DGKG: variants seen among roughly 807,000 people sequenced by gnomAD.
DGKG encodes the protein diacylglycerol kinase gamma, also known as DAG kinase gamma.
DGKG carries 78 observed loss-of-function variants against 105.3 expected under a neutral mutation model. The ratio of observed to expected loss-of-function variants is 0.74; its 90% CI spans 0.62 to 0.89. The LOEUF is 0.89. Ranked by LOEUF, DGKG falls within the 40% of genes least tolerant of loss-of-function variation. The pLI is 0.00. For synonymous variants in DGKG, 346 were observed against 367.1 expected (o/e 0.94, Z 0.66); for missense variants, 958 against 1,020.1 (o/e 0.94, Z 0.83).
At chr3:186,253,035 C>T (rs747469867) in intron 18 of DGKG, 58 bp downstream of exon 18, 29 of 1,456,354 alleles carry the variant, frequency 2.0e-5, no homozygotes, top group Admixed American at 1.0e-4. Flanking sequence ...CTCTGTAGAG[C>T]ATCTCTGTAA....
At chr3:186,304,270 A>T (rs2108622496) in intron 3 of DGKG, among the ~76,000 whole-genome samples, 1 of 152,298 alleles carries the variant, frequency 6.6e-6, no homozygotes, top group Middle Eastern at 3.4e-3. Context: ...TGGGGCAGTG[A>T]GTTCTTTGCT....
chr3:186,338,169 CAA>C (rs34436386), intron 1 of DGKG, among the ~76,000 whole-genome samples: 17 of 75,790 alleles, frequency 2.2e-4, no homozygotes, highest in Admixed American at 4.1e-4. Flanking sequence ...GACCCTATCT[CAA>C]AAAAAAAAAA....
At chr3:186,185,991 G>A (rs1419419701) in intron 22 of DGKG, among the ~76,000 whole-genome samples, 3 of 151,544 alleles carry the variant, frequency 2.0e-5, no homozygotes, top group Non-Finnish European at 1.5e-5. Flanking sequence ...CCAGCTACTC[G>A]GGAGGCTGAG....
chr3:186,237,146 T>C (rs1185136858), intron 20 of DGKG, among the ~76,000 whole-genome samples: 1 of 152,202 alleles, frequency 6.6e-6, no homozygotes, highest in African/African-American at 2.4e-5. Flanking sequence ...TCCTTCTCCC[T>C]AAGTTGAAAC....
chr3:186,201,894 C>T (rs1426081889), intron 21 of DGKG, among the ~76,000 whole-genome samples: 1 of 152,198 alleles, frequency 6.6e-6, no homozygotes, highest in Admixed American at 6.5e-5. Flanking sequence ...GATAGATATG[C>T]CAAGTCCTGA....
chr3:186,210,482 A>C lies in DGKG; in HGVS notation c.1917+1313T>G, dbSNP rs1354769619. Among the ~76,000 whole-genome samples the C allele has an allele frequency of 2.0e-5, 3 of 152,166 alleles. No individual in the cohort carries two copies. Among genetic ancestry groups the C allele is most frequent in the Non-Finnish European group, 4.4e-5 (3 of 68,020 alleles). On this transcript the variant is annotated intron_variant, in intron 21 of 24. Transcript: ENST00000265022. This position sits in a 1 kb window ranked among gnomAD's most constrained non-coding sequence, Gnocchi z 5.2. ...TCTGCCCTCTTACCAAGCTGGCCAA[A>C]AGTTCAGGGGATTAGCCAGATCGGC...
At chr3:186,261,472 T>C (rs1217517091) in intron 15 of DGKG, among the ~76,000 whole-genome samples, 2 of 152,182 alleles carry the variant, frequency 1.3e-5, no homozygotes, top group African/African-American at 4.8e-5. Flanking sequence ...AAGCACCGTG[T>C]CTGTTCTCAC....
chr3:186,165,577 C>G (rs1353111585), intron 22 of DGKG, among the ~76,000 whole-genome samples: 2 of 152,180 alleles, frequency 1.3e-5, no homozygotes, highest in African/African-American at 2.4e-5. Flanking sequence ...ACACCAGGTG[C>G]CTAATCCAAG....
intron 1 of DGKG, among the ~76,000 whole-genome samples, chr3:186,330,834 C>T (rs1329251404): frequency 2.0e-5 from 3 of 152,214 alleles, no homozygotes; most frequent in Non-Finnish European, 4.4e-5. Flanking sequence ...CCCCGCTCAG[C>T]CTGGTCTGGA....
At chr3:186,296,112 C>CAAAAAAAAAAAAAAAA (rs36070727) in intron 5 of DGKG, among the ~76,000 whole-genome samples, 3 of 143,390 alleles carry the variant, frequency 2.1e-5, no homozygotes, top group African/African-American at 7.9e-5. Flanking sequence ...TTATCTCAGA[C>CAAAAAAAAAAAAAAAA]AAAAAAAAAA....
chr3:186,352,262 A>G (rs1469584500), intron 1 of DGKG, among the ~76,000 whole-genome samples: 1 of 152,118 alleles, frequency 6.6e-6, no homozygotes, highest in Non-Finnish European at 1.5e-5. Flanking sequence ...GAGTCAATAG[A>G]CGGCTACTGG....
At chr3:186,206,198 A>G (rs1441625095) in intron 21 of DGKG, among the ~76,000 whole-genome samples, 5 of 152,162 alleles carry the variant, frequency 3.3e-5, no homozygotes, top group Admixed American at 6.5e-5. Context: ...ATCCTGCCCT[A>G]CGTGGTGAAA....
chr3:186,255,435 G>T (rs1249182782), intron 17 of DGKG, among the ~76,000 whole-genome samples: 1 of 152,256 alleles, frequency 6.6e-6, no homozygotes, highest in East Asian at 1.9e-4. Flanking sequence ...GGTGTGTCAG[G>T]GGAGGCTCCC....
intron 20 of DGKG, among the ~76,000 whole-genome samples, chr3:186,236,174 GA>G (rs1419214097): frequency 6.6e-6 from 1 of 152,190 alleles, no homozygotes; most frequent in East Asian, 1.9e-4. Context: ...ACCCCCAGGA[GA>G]AGGATTTGGG....
At chr3:186,163,154 C>T (rs984783872) in intron 23 of DGKG, among the ~76,000 whole-genome samples, 3 of 152,114 alleles carry the variant, frequency 2.0e-5, no homozygotes, top group Non-Finnish European at 2.9e-5. Flanking sequence ...TACAGGTGCA[C>T]ATCACCACAC....
At chr3:186,323,820 C>T (rs1725200404) in intron 1 of DGKG, among the ~76,000 whole-genome samples, 1 of 151,794 alleles carries the variant, frequency 6.6e-6, no homozygotes, top group Non-Finnish European at 1.5e-5. Context: ...GCCTGTAGTT[C>T]CAGCTACTCA....
At chr3:186,176,805 C>T (rs984521859) in intron 22 of DGKG, among the ~76,000 whole-genome samples, 1 of 152,146 alleles carries the variant, frequency 6.6e-6, no homozygotes, top group Non-Finnish European at 1.5e-5. Flanking sequence ...GATAAATAGA[C>T]CTGAGGATGA....
At chr3:186,221,881 C>T (rs1432192791) in intron 20 of DGKG, among the ~76,000 whole-genome samples, 1 of 152,218 alleles carries the variant, frequency 6.6e-6, no homozygotes, top group African/African-American at 2.4e-5. Flanking sequence ...CGGGTGGGTC[C>T]TGAGGGAGCC....
intron 22 of DGKG, among the ~76,000 whole-genome samples, chr3:186,185,071 G>T (rs1451515026): frequency 6.6e-6 from 1 of 152,152 alleles, no homozygotes; most frequent in African/African-American, 2.4e-5. Flanking sequence ...ACCCAAGAAG[G>T]GGAAAGGACT....
Sources: gnomAD v4.1 joint callset for allele counts (sites outside exome capture counted in the v4.1 genomes callset) on GRCh38, gnomAD v4.1.1 for gene constraint, Gnocchi (gnomAD v3.1) non-coding constraint, MANE v1.5 for transcripts, NCBI Gene and HGNC (gene_info 2026-07-23, HGNC 2026-07-21) for gene names.